Variants in TEP1 observed in about 807,000 individuals in gnomAD.
TEP1 encodes the protein telomerase protein component 1.
In TEP1, 241 loss-of-function variants were observed where a neutral mutation model predicts 306.3. The observed-to-expected ratio is 0.79, with a 90% CI of 0.71 to 0.88. TEP1 has a LOEUF of 0.88. Among genes scored for constraint, TEP1 ranks in the 40% least tolerant of loss-of-function variants. The pLI, the probability that TEP1 is intolerant of heterozygous loss-of-function variation, is 0.00. For missense variants in TEP1, 3,051 were observed against 3,276.1 expected (o/e 0.93, Z 1.68); for synonymous variants, 1,289 against 1,305.5 (o/e 0.99, Z 0.27).
chr14:20,395,999 G>C (rs541113729), intron 10 of TEP1, 50 bp from the exon 11 acceptor site: 4 of 1,376,454 alleles, frequency 2.9e-6, no homozygotes, highest in East Asian at 4.6e-5. Context: ...CGGGAGTATG[G>C]GGGGCTTCAG....
At chr14:20,374,380 C>G (rs367790093) in intron 44 of TEP1, 49 bp downstream of exon 44, 5 of 1,422,140 alleles carry the variant, frequency 3.5e-6, no homozygotes, top group Non-Finnish European at 4.9e-6. Context: ...CCCAAAGCCC[C>G]CTTAGCCCTT....
At chr14:20,380,604 A>T in intron 33 of TEP1, 129 bp from the exon 34 acceptor site, 1 of 1,383,748 alleles carries the variant, frequency 7.2e-7, no homozygotes, top group Non-Finnish European at 9.5e-7. Flanking sequence ...TATATCAGGA[A>T]TATCTCTTAA....
intron 4 of TEP1, 22 bp downstream of exon 4, chr14:20,405,429 C>A (rs1454697339): frequency 5.0e-6 from 8 of 1,612,878 alleles, no homozygotes; most frequent in Non-Finnish European, 5.1e-6. Context: ...ACACCCCCAT[C>A]CCCTCCTTCA....
intron 43 of TEP1, 55 bp downstream of exon 43, chr14:20,375,700 T>G: frequency 1.7e-6 from 2 of 1,173,326 alleles, no homozygotes; most frequent in Non-Finnish European, 2.5e-6. Flanking sequence ...TGGGGAGTGT[T>G]GTCTTGCCCC....
rs747932527 is a variant in TEP1, at chr14:20,405,535, C to A, written c.786G>T (p.Met262Ile). ...LCSTLVSEVN[M>I]NNTSDPTLAA... is the part of the protein sequence containing the mutation. ...CCAGGGTGGGGTCAGATGTATTGTT[C>A]ATGTTTACTTCTGAGACCAGAGTAG... The change falls in exon 4 of 55, where the codon ATG becomes ATT. Residue 262 changes from methionine (M) to isoleucine (I), a missense_variant. Around this residue, in one of 3 missense-constraint regions of TEP1, gnomAD observed 1,507 missense variants for 1,550.5 expected, o/e 0.97. Transcript: ENST00000262715. The A allele has an allele frequency of 1.5e-5, 24 of 1,614,134 alleles. No homozygotes were observed. The South Asian group carries it at 2.6e-4, about 18-fold the overall frequency.
chr14:20,405,420 C>A, intron 4 of TEP1, 31 bp downstream of exon 4: 1 of 1,611,338 alleles, frequency 6.2e-7, no homozygotes, highest in Non-Finnish European at 8.5e-7. Context: ...ACCAGCTTCA[C>A]ACCCCCATCC....
At chr14:20,390,081 G>A (rs558167424) in intron 15 of TEP1, among the ~76,000 whole-genome samples, 1 of 152,164 alleles carries the variant, frequency 6.6e-6, no homozygotes, top group African/African-American at 2.4e-5. Context: ...TAAAACAAAT[G>A]TGGCTGGGCA....
intron 3 of TEP1, 99 bp from the exon 4 acceptor site, chr14:20,405,684 T>C: frequency 7.1e-7 from 1 of 1,412,022 alleles, no homozygotes; most frequent in South Asian, 1.4e-5. Context: ...ACAGAGAGAA[T>C]GGACCCGAGA....
Position 20,408,457 on chromosome 14 carries a change from T to C in TEP1, c.-18A>G. 1 of 1,604,706 alleles carries C rather than the reference T, an allele frequency of 6.2e-7. No individual in the cohort carries two copies. Among genetic ancestry groups the C allele is most frequent in the African/African-American group, 1.3e-5 (1 of 74,920 alleles). ...TTTTCCATGGCTGAAACTCAGCTTG[T>C]ATATGCCTAGAAGGAGAGAAAGACA... On this transcript the variant is annotated 5_prime_UTR_variant, in exon 2 of 55. The change creates a new upstream start codon in the 5' untranslated region. Coordinates refer to ENST00000262715, the MANE Select transcript of TEP1 (RefSeq NM_007110.5).
chr14:20,375,136 A>C (rs1281403018), intron 43 of TEP1, among the ~76,000 whole-genome samples: 2 of 150,738 alleles, frequency 1.3e-5, no homozygotes, highest in African/African-American at 4.9e-5. Context: ...CCTGGCACAC[A>C]GTGAGCATAT....
Position 20,386,518 on chromosome 14 carries a change from G to A in TEP1, c.2790C>T (p.Ala930=). The part of the protein sequence containing the change: ...SVLPALQARA[A]PHRISLHGID... ...TTCCGTGAAGGCTGATACGGTGAGGGGCCGCTCGGGCCTGCAGTGCTGGCA... is the reference window on the plus strand; with the variant it reads ...TTCCGTGAAGGCTGATACGGTGAGGAGCCGCTCGGGCCTGCAGTGCTGGCA... Residue 930 remains alanine (A), a synonymous_variant, in exon 19 of 55, where the codon GCC becomes GCT. Coordinates refer to ENST00000262715, the MANE Select transcript of TEP1 (RefSeq NM_007110.5). 6.2e-7 allele frequency: 1 copy of A among 1,612,950 alleles called. No homozygotes were observed.
In TEP1 at chr14:20,386,504, C is replaced by A; in HGVS notation, c.2804G>T (p.Ser935Ile). 2 of 1,612,958 alleles carry A rather than the reference C, an allele frequency of 1.2e-6. No homozygotes were observed. The highest frequency in any genetic ancestry group is 1.7e-6 in the Non-Finnish European group (2 of 1,179,446). The change falls in exon 19 of 55, where the codon AGC becomes ATC. Residue 935 changes from serine to isoleucine, a missense_variant. By Grantham distance (142) the Ser-to-Ile change is moderately radical. Coordinates refer to ENST00000262715, the MANE Select transcript of TEP1 (RefSeq NM_007110.5). ...CCAGCGGAGGTCGATTCCGTGAAGG[C>A]TGATACGGTGAGGGGCCGCTCGGGC... ...LQARAAPHRI[S>I]LHGIDLRWGV...
chr14:20,412,098 G>C (rs1879718947), intron 1 of TEP1, among the ~76,000 whole-genome samples: 1 of 152,154 alleles, frequency 6.6e-6, no homozygotes, highest in Non-Finnish European at 1.5e-5. Flanking sequence ...CTTCCAAGAA[G>C]ACCTGAATGA....
In TEP1 at chr14:20,378,062, C is replaced by T; in HGVS notation, c.5683G>A (p.Ala1895Thr). 1 of 1,613,818 alleles carries T rather than the reference C, an allele frequency of 6.2e-7. No homozygotes were observed. Among genetic ancestry groups the T allele is most frequent in the Non-Finnish European group, 8.5e-7 (1 of 1,180,042 alleles). The part of the protein sequence containing the change: ...GFVAAALFLH[A>T]GCQLLTAGED... ...CCAGCCGTCAGTAACTGGCAACCCGCATGCAGGAAAAGCGCAGCAGCAACA... is the reference window on the plus strand; with the variant it reads ...CCAGCCGTCAGTAACTGGCAACCCGTATGCAGGAAAAGCGCAGCAGCAACA... Residue 1895 changes from alanine to threonine, a missense_variant, in exon 39 of 55, where the codon GCG becomes ACG. This residue lies in a region of TEP1 where 1,540 missense variants were observed against 1,705.9 expected (regional missense o/e 0.90). Transcript: ENST00000262715.
In TEP1 at chr14:20,378,527, G is replaced by A. The variant is rs568535639; in HGVS notation, c.5361C>T (p.Asp1787=). Residue 1787 remains aspartate (D), a synonymous_variant, in exon 38 of 55, where the codon GAC becomes GAT. Coordinates refer to ENST00000262715, the MANE Select transcript of TEP1 (RefSeq NM_007110.5). ...GGAAGGCCAGCTGCCCACGGACTGT[G>A]TCCCACAGCTGAGGGAGAGAGAGGA... ...VCLGGCLKLW[D]TVRGQLAFQH... The A allele has an allele frequency of 2.8e-5, 45 of 1,614,242 alleles. No individual in the cohort carries two copies. Among genetic ancestry groups the A allele is most frequent in the Non-Finnish European group, 3.7e-5 (44 of 1,180,044 alleles).
Position 20,384,459 on chromosome 14 carries a change from C to A in TEP1, c.3271G>T (p.Gly1091Trp). ...GVAAGRPYVG[G>W]LEEFGQLVLQ... is the part of the protein sequence containing the mutation. ...ACCAACTGCCCAAACTCCTCCAGCC[C>A]GCCAACATAGGGCCGGCCAGCTGCC... is the stretch of plus-strand genomic sequence containing the variant. The change falls in exon 23 of 55, where the codon GGG becomes TGG. Residue 1091 changes from glycine (G) to tryptophan (W), a missense_variant. Gly to Trp is a radical substitution (Grantham distance 184). Around this residue, in one of 3 missense-constraint regions of TEP1, gnomAD observed 1,507 missense variants for 1,550.5 expected, o/e 0.97. Coordinates refer to ENST00000262715, the MANE Select transcript of TEP1 (RefSeq NM_007110.5). The A allele has an allele frequency of 6.2e-7, 1 of 1,614,138 alleles. No individual in the cohort carries two copies.
rs747956803 is a variant in TEP1 at position 20,386,483 on chromosome 14, C to T, written c.2825G>A (p.Arg942His). ...GGTCTCCTCCTCAGTGACGCCCCAG[C>T]GGAGGTCGATTCCGTGAAGGCTGAT... ...HRISLHGIDL[R>H]WGVTEEETRR... Residue 942 changes from arginine to histidine, a missense_variant, in exon 19 of 55, where the codon CGC (arginine) becomes CAC (histidine). Around this residue, in one of 3 missense-constraint regions of TEP1, gnomAD observed 1,507 missense variants for 1,550.5 expected, o/e 0.97. Transcript: ENST00000262715. 8.1e-6 allele frequency: 13 copies of T among 1,611,326 alleles called. No homozygotes were observed. Among genetic ancestry groups the T allele is most frequent in the Middle Eastern group, 1.8e-4 (1 of 5,676 alleles).
At chr14:20,392,918 G>T (rs1877842496) in intron 12 of TEP1, among the ~76,000 whole-genome samples, 1 of 152,106 alleles carries the variant, frequency 6.6e-6, no homozygotes, top group Admixed American at 6.6e-5. Flanking sequence ...AAGAAAAAAA[G>T]ATCAGTAAAG....
chr14:20,388,094 G>A (rs1159464104), intron 17 of TEP1, 31 bp from the exon 18 acceptor site: 1 of 1,611,530 alleles, frequency 6.2e-7, no homozygotes, highest in South Asian at 1.1e-5. Context: ...AATGAGAGTA[G>A]AATACCACAG....
Sources: allele counts gnomAD v4.1 joint callset (sites outside exome capture counted in the v4.1 genomes callset), GRCh38; gene constraint gnomAD v4.1.1; regional missense constraint gnomAD v4.1.1; transcripts MANE v1.5; gene names NCBI Gene and HGNC (gene_info 2026-07-23, HGNC 2026-07-21).